Variants in LRP2 observed in about 807,000 individuals in gnomAD.
LRP2 encodes the protein low-density lipoprotein receptor-related protein 2.
LRP2 carries 172 observed loss-of-function variants against 531.0 expected under a neutral mutation model. The observed-to-expected ratio is 0.32, with a 90% confidence interval of 0.29 to 0.37. The LOEUF (loss-of-function observed/expected upper bound fraction) is 0.37. Among genes scored for constraint, LRP2 ranks in the 10% least tolerant of loss-of-function variants. LRP2 has a pLI of 1.00. For missense variants in LRP2, 5,167 were observed against 5,868.3 expected, an observed-to-expected ratio of 0.88 and a Z score of 3.90; for synonymous variants, 1,992 against 2,027.6, an observed-to-expected ratio of 0.98 and a Z score of 0.47.
intron 61 of LRP2, 125 bp downstream of exon 61, chr2:169,168,414 G>A (rs184643380): frequency 2.7e-5 from 32 of 1,189,108 alleles, no homozygotes; most frequent in African/African-American, 1.8e-4. Context: ...TAACACCAAC[G>A]CTGATCCTGT....
Position 169,239,509 on chromosome 2 carries a change from G to T in LRP2, c.4294+18C>A. On this transcript the variant is annotated intron_variant, in intron 26 of 78. Transcript: ENST00000649046. ...TGGGATGTGCTGATAAACTGGCTCG[G>T]GTTAGTTCAGCAATTACCTGTAACT... The T allele has an allele frequency of 6.2e-7, 1 of 1,613,924 alleles. No individual in the cohort carries two copies. The highest frequency in any genetic ancestry group is 8.5e-7 in the Non-Finnish European group (1 of 1,179,874).
At chr2:169,158,257 T>C (rs1432705708) in intron 63 of LRP2, among the ~76,000 whole-genome samples, 1 of 152,072 alleles carries the variant, frequency 6.6e-6, no homozygotes, top group African/African-American at 2.4e-5. Flanking sequence ...CATACTCTTT[T>C]ACCCAGTTAT....
intron 2 of LRP2, among the ~76,000 whole-genome samples, chr2:169,319,768 T>C (rs1333925864): frequency 2.6e-5 from 4 of 152,274 alleles, no homozygotes; most frequent in African/African-American, 9.6e-5. Context: ...GAAGCTGAGG[T>C]CCCACCTCAA....
At chr2:169,295,388 T>C (rs1272990224) in intron 4 of LRP2, among the ~76,000 whole-genome samples, 1 of 152,212 alleles carries the variant, frequency 6.6e-6, no homozygotes, top group Non-Finnish European at 1.5e-5. Context: ...GCACAAATTG[T>C]TGTTGCCACG....
At position 169,206,595 on chromosome 2, in the gene LRP2, C is replaced by T. The variant is rs984451465; in HGVS notation, c.7125G>A (p.Leu2375=). The change falls in exon 39 of 79, where the codon CTG becomes CTA. Residue 2375 remains leucine, a synonymous_variant. Transcript: ENST00000649046. Reference sequence around the variant, plus strand: ...TGGCACAATTCTTGCCATCACTTTGCAGGGTCCCAAAGGCACAGTCACATT... The same window carrying T: ...TGGCACAATTCTTGCCATCACTTTGTAGGGTCCCAAAGGCACAGTCACATT... ...TPKCDCAFGT[L]QSDGKNCAIS... 1 of 1,614,128 alleles carries T rather than the reference C, an allele frequency of 6.2e-7. No homozygotes were observed. The highest frequency in any genetic ancestry group is 8.5e-7 in the Non-Finnish European group (1 of 1,180,018).
At chr2:169,248,442 T>A (rs925805821) in intron 19 of LRP2, among the ~76,000 whole-genome samples, 2 of 152,182 alleles carry the variant, frequency 1.3e-5, no homozygotes, top group Non-Finnish European at 2.9e-5. Context: ...GCAATCCCAG[T>A]CCCACTACTA....
intron 14 of LRP2, among the ~76,000 whole-genome samples, chr2:169,274,352 G>A (rs923840393): frequency 1.2e-4 from 18 of 152,148 alleles, no homozygotes; most frequent in Non-Finnish European, 4.4e-5. Flanking sequence ...GGGAAGCCGG[G>A]GCAGGAGGAT....
At chr2:169,282,740 C>T in intron 10 of LRP2, 133 bp downstream of exon 10, 1 of 969,646 alleles carries the variant, frequency 1.0e-6, no homozygotes, top group Non-Finnish European at 1.6e-6. Context: ...CAGTAGGAGC[C>T]ATCCCTGATT....
intron 3 of LRP2, among the ~76,000 whole-genome samples, chr2:169,309,142 G>C (rs1250603175): frequency 6.6e-6 from 1 of 152,176 alleles, no homozygotes; most frequent in African/African-American, 2.4e-5. Context: ...CAGATGGGTA[G>C]ATTGCAAAAA....
At chr2:169,225,592 C>T in intron 32 of LRP2, 139 bp from the exon 33 acceptor site, 1 of 953,376 alleles carries the variant, frequency 1.0e-6, no homozygotes, top group Non-Finnish European at 1.6e-6. Flanking sequence ...AACAAAGGTT[C>T]AGCACCACTG....
chr2:169,310,789 C>T (rs1213436643), intron 3 of LRP2, among the ~76,000 whole-genome samples: 1 of 152,172 alleles, frequency 6.6e-6, no homozygotes, highest in South Asian at 2.1e-4. Context: ...CCAGCTCCTC[C>T]TTGTACCTCT....
intron 3 of LRP2, among the ~76,000 whole-genome samples, chr2:169,311,239 C>T (rs1684588901): frequency 6.6e-6 from 1 of 152,154 alleles, no homozygotes; most frequent in East Asian, 1.9e-4. Flanking sequence ...TTGCCTTCTG[C>T]TAGCTTTTGA....
chr2:169,289,774 G>A lies in LRP2; in HGVS notation c.923-629C>T, dbSNP rs143196921. ...GCTGGCTTCAAGAGATGGGATTTCAGGTGATTATATTTTTTTCTTTTGGTT... is the reference window on the plus strand; with the variant it reads ...GCTGGCTTCAAGAGATGGGATTTCAAGTGATTATATTTTTTTCTTTTGGTT... On this transcript the variant is annotated intron_variant, in intron 8 of 78. Coordinates refer to ENST00000649046, the MANE Select transcript of LRP2 (RefSeq NM_004525.3). Among the ~76,000 whole-genome samples the A allele has an allele frequency of 3.6e-3, 548 of 152,180 alleles. 3 individuals carry two copies. The highest frequency in any genetic ancestry group is 0.012 in the African/African-American group (500 of 41,504).
chr2:169,324,064 G>A (rs1271989861), intron 1 of LRP2, among the ~76,000 whole-genome samples: 2 of 152,098 alleles, frequency 1.3e-5, no homozygotes, highest in Non-Finnish European at 2.9e-5. Flanking sequence ...TACTCATATA[G>A]CACTTAAATG....
intron 4 of LRP2, among the ~76,000 whole-genome samples, chr2:169,304,006 A>G (rs1249767503): frequency 6.6e-6 from 1 of 152,208 alleles, no homozygotes; most frequent in Non-Finnish European, 1.5e-5. Flanking sequence ...TACAGCAGCT[A>G]CTTACATATT....
At chr2:169,152,753 AC>A (rs1156599632) in intron 67 of LRP2, 45 bp downstream of exon 67, 1 of 1,610,548 alleles carries the variant, frequency 6.2e-7, no homozygotes. Flanking sequence ...GAGAACTCTA[AC>A]CAGGAAAACA....
chr2:169,243,350 CTG>C (rs984121816), intron 23 of LRP2, 51 bp downstream of exon 23: 113 of 1,608,272 alleles, frequency 7.0e-5, no homozygotes, highest in Non-Finnish European at 8.8e-5. Flanking sequence ...TGTGTTAACA[CTG>C]AGATTTTTCT....
rs1689889550 is a variant in LRP2 at position 169,243,511 on chromosome 2, T to C, written c.3442A>G (p.Thr1148Ala). The change falls in exon 23 of 79, where the codon ACA becomes GCA. Residue 1148 changes from threonine (T) to alanine (A), a missense_variant. Thr to Ala is a moderately conservative substitution (Grantham distance 58, BLOSUM62 0). This residue lies in a region of LRP2 where 2,811 missense variants were observed against 3,058.0 expected (regional missense o/e 0.92). Coordinates refer to ENST00000649046, the MANE Select transcript of LRP2 (RefSeq NM_004525.3). ...CAATTAAACTGACTAGGTTGGCATG[T>C]CTCTGTCGAATCTAATGTCATCCGA... is the stretch of plus-strand genomic sequence containing the variant. ...SDEKNCNSTE[T>A]CQPSQFNCPN... 6.2e-7 allele frequency: 1 copy of C among 1,614,154 alleles called. No homozygotes were observed. The highest frequency in any genetic ancestry group is 1.7e-5 in the Admixed American group (1 of 60,028).
At chr2:169,350,917 C>T (rs1414879756) in intron 1 of LRP2, among the ~76,000 whole-genome samples, 1 of 151,984 alleles carries the variant, frequency 6.6e-6, no homozygotes, top group Non-Finnish European at 1.5e-5. Context: ...GTCCATGCCG[C>T]CTCCCTGAAT....
Sources: gnomAD v4.1 joint callset for allele counts (sites outside exome capture counted in the v4.1 genomes callset) on GRCh38, gnomAD v4.1.1 for gene constraint, gnomAD v4.1.1 regional missense constraint, MANE v1.5 for transcripts, NCBI Gene and HGNC (gene_info 2026-07-23, HGNC 2026-07-21) for gene names.